MB21D2: variants seen among roughly 807,000 people sequenced by gnomAD.
The protein encoded by MB21D2 is Mab-21 domain containing 2, also known as nucleotidyltransferase MB21D2.
Under a neutral mutation model 33.3 loss-of-function variants are expected in MB21D2, and 9 were observed. That is an observed-to-expected ratio of 0.27 (90% CI 0.16 to 0.47). MB21D2 has a LOEUF of 0.47. Ranked by LOEUF, MB21D2 falls within the 20% of genes least tolerant of loss-of-function variation. The pLI is 0.99. For missense variants in MB21D2, 540 were observed against 624.6 expected (o/e 0.86, Z 1.44); for synonymous variants, 241 against 236.3 (o/e 1.02, Z -0.18).
chr3:192,880,149 C>T (rs566420752), intron 1 of MB21D2, among the ~76,000 whole-genome samples: 1 of 152,066 alleles, frequency 6.6e-6, no homozygotes, highest in African/African-American at 2.4e-5. Flanking sequence ...TTGAGACCAC[C>T]CTGACCAACA....
chr3:192,896,934 A>G (rs556163355), intron 1 of MB21D2, among the ~76,000 whole-genome samples: 2 of 152,298 alleles, frequency 1.3e-5, no homozygotes, highest in Admixed American at 1.3e-4. Flanking sequence ...TGCGGAAGAA[A>G]CGGCAGGCGA....
chr3:192,804,144 T>A (rs1453430750), intron 1 of MB21D2, among the ~76,000 whole-genome samples: 1 of 152,228 alleles, frequency 6.6e-6, no homozygotes, highest in Non-Finnish European at 1.5e-5. Context: ...TGCTTTCAGT[T>A]ATTTACTGAT....
At chr3:192,819,923 C>T (rs1712007626) in intron 1 of MB21D2, among the ~76,000 whole-genome samples, 1 of 152,216 alleles carries the variant, frequency 6.6e-6, no homozygotes, top group African/African-American at 2.4e-5. Context: ...GCATCCCAAG[C>T]TCTGAACCTG....
intron 1 of MB21D2, among the ~76,000 whole-genome samples, chr3:192,849,819 T>A (rs1712760180): frequency 6.6e-6 from 1 of 152,186 alleles, no homozygotes; most frequent in South Asian, 2.1e-4. Flanking sequence ...TGCTCACTCA[T>A]ATGTCCCAAG....
intron 1 of MB21D2, among the ~76,000 whole-genome samples, chr3:192,866,670 T>C (rs1331779589): frequency 6.6e-6 from 1 of 152,206 alleles, no homozygotes; most frequent in Non-Finnish European, 1.5e-5. Flanking sequence ...TTAACATAAC[T>C]GTCTGGCTTA....
At chr3:192,879,241 T>C (rs1713508089) in intron 1 of MB21D2, among the ~76,000 whole-genome samples, 1 of 152,166 alleles carries the variant, frequency 6.6e-6, no homozygotes, top group Non-Finnish European at 1.5e-5. Flanking sequence ...CGGTACTTTA[T>C]AATAAAGAGA....
At chr3:192,848,874 C>T (rs187790002) in intron 1 of MB21D2, among the ~76,000 whole-genome samples, 4 of 152,274 alleles carry the variant, frequency 2.6e-5, no homozygotes, top group Admixed American at 2.6e-4. Context: ...GGAAAGTGCT[C>T]GCTTCCCCTT....
intron 1 of MB21D2, among the ~76,000 whole-genome samples, chr3:192,840,935 T>A (rs1045256546): frequency 6.6e-6 from 1 of 152,310 alleles, no homozygotes; most frequent in East Asian, 1.9e-4. Context: ...GTGGAAAATA[T>A]TTTATAGAAA....
chr3:192,801,380 C>T (rs1009542085), intron 1 of MB21D2, among the ~76,000 whole-genome samples: 1 of 152,176 alleles, frequency 6.6e-6, no homozygotes, highest in East Asian at 1.9e-4. Context: ...TCATAGTTTG[C>T]TCTTCATAGG....
intron 1 of MB21D2, among the ~76,000 whole-genome samples, chr3:192,808,566 G>A (rs558448882): frequency 3.0e-4 from 46 of 152,284 alleles, no homozygotes; most frequent in African/African-American, 1.1e-3. Flanking sequence ...GCTGCCTGTG[G>A]AGGCAGTACC....
At chr3:192,888,563 T>C (rs1713783137) in intron 1 of MB21D2, among the ~76,000 whole-genome samples, 1 of 152,112 alleles carries the variant, frequency 6.6e-6, no homozygotes, top group African/African-American at 2.4e-5. Flanking sequence ...AACCAAAGTC[T>C]TCCGTCCTCA....
intron 1 of MB21D2, among the ~76,000 whole-genome samples, chr3:192,853,890 G>T (rs1712861387): frequency 6.6e-6 from 1 of 152,128 alleles, no homozygotes; most frequent in Admixed American, 6.5e-5. Context: ...ATGGTGATCT[G>T]TGATCTTTGA....
chr3:192,878,243 G>C (rs1173945376), intron 1 of MB21D2, among the ~76,000 whole-genome samples: 1 of 152,056 alleles, frequency 6.6e-6, no homozygotes, highest in Non-Finnish European at 1.5e-5. Flanking sequence ...AAAAAGGAGA[G>C]AGCGACAAAA....
chr3:192,857,436 C>T (rs1446730529), intron 1 of MB21D2, among the ~76,000 whole-genome samples: 2 of 152,154 alleles, frequency 1.3e-5, no homozygotes, highest in African/African-American at 2.4e-5. Context: ...AGAGGAGAAA[C>T]AGCTACAGAT....
At chr3:192,830,230 G>A (rs905923460) in intron 1 of MB21D2, among the ~76,000 whole-genome samples, 5 of 100,736 alleles carry the variant, frequency 5.0e-5, no homozygotes, top group Non-Finnish European at 9.1e-5. Flanking sequence ...CTTCAAAGAT[G>A]AGTGTGTGTG....
chr3:192,860,899 C>A (rs1713027005), intron 1 of MB21D2, among the ~76,000 whole-genome samples: 1 of 152,094 alleles, frequency 6.6e-6, no homozygotes, highest in Non-Finnish European at 1.5e-5. Context: ...TAAACAAAAG[C>A]AGAATGAGAA....
chr3:192,897,954 G>T (rs1404313924), intron 1 of MB21D2, among the ~76,000 whole-genome samples: 2 of 129,112 alleles, frequency 1.5e-5, no homozygotes, highest in African/African-American at 3.0e-5. Context: ...GCAAGACCCT[G>T]TCTCAATAAA....
At chr3:192,826,969 G>T (rs896317661) in intron 1 of MB21D2, among the ~76,000 whole-genome samples, 1 of 150,988 alleles carries the variant, frequency 6.6e-6, no homozygotes, top group African/African-American at 2.4e-5. Flanking sequence ...TCAGCTCACT[G>T]CAAGCTCCAC....
chr3:192,901,117 G>T (rs909504878), intron 1 of MB21D2, among the ~76,000 whole-genome samples: 13 of 152,034 alleles, frequency 8.6e-5, no homozygotes, highest in Non-Finnish European at 1.8e-4. Context: ...ATGGAGCCAG[G>T]GTTGGTTGGT....
Sources: gnomAD v4.1 joint callset for allele counts (sites outside exome capture counted in the v4.1 genomes callset) on GRCh38, gnomAD v4.1.1 for gene constraint, MANE v1.5 for transcripts, NCBI Gene and HGNC (gene_info 2026-07-23, HGNC 2026-07-21) for gene names.